CCDC141: variants seen among roughly 807,000 people sequenced by gnomAD.
CCDC141 encodes coiled-coil domain-containing protein 141.
Under a neutral mutation model 181.0 loss-of-function variants are expected in CCDC141, and 168 were observed. The observed-to-expected ratio is 0.93, with a 90% CI of 0.82 to 1.05. The LOEUF (loss-of-function observed/expected upper bound fraction) is 1.05, where lower values mean the gene tolerates loss of function less well. Among genes scored for constraint, CCDC141 ranks in the 50% least tolerant of loss-of-function variants. The pLI is 0.00. For synonymous variants in CCDC141, 666 were observed against 642.3 expected, an observed-to-expected ratio of 1.04 and a Z score of -0.56; for missense variants, 1,902 against 1,788.5, an observed-to-expected ratio of 1.06 and a Z score of -1.14.
rs181911299 is a variant in CCDC141 at position 178,831,513 on chromosome 2, A to G, written c.*2660T>C. 2 of 152,334 alleles carry G rather than the reference A, an allele frequency of 1.3e-5. No homozygotes were observed. 9.4% of individuals were successfully genotyped at this position (152,334 alleles called of 1,614,324 possible). A position where few individuals can be genotyped will look rare whatever the true frequency, so the allele number is the denominator to read the frequency against. On this transcript the variant is annotated 3_prime_UTR_variant, in exon 24 of 24. Transcript: ENST00000443758. ...TGAAAATGTTTTGATATTACTAACCATTCAGGATTTTCTCTAGAAGTAAAT... is the reference window on the plus strand; with the variant it reads ...TGAAAATGTTTTGATATTACTAACCGTTCAGGATTTTCTCTAGAAGTAAAT...
intron 6 of CCDC141, among the ~76,000 whole-genome samples, chr2:178,940,849 G>A (rs1409785802): frequency 6.6e-6 from 1 of 152,136 alleles, no homozygotes; most frequent in African/African-American, 2.4e-5. Context: ...ACCAGCTCTG[G>A]AAAGGTGTTT....
At chr2:179,031,176 T>A (rs765683688) in intron 2 of CCDC141, among the ~76,000 whole-genome samples, 2 of 148,714 alleles carry the variant, frequency 1.3e-5, no homozygotes, top group Non-Finnish European at 3.0e-5. Context: ...TGGGATAAAT[T>A]AAACATATTA....
intron 2 of CCDC141, among the ~76,000 whole-genome samples, chr2:179,032,052 C>T (rs1018521301): frequency 1.3e-5 from 2 of 152,078 alleles, no homozygotes; most frequent in African/African-American, 4.8e-5. Context: ...GGTGAGACTG[C>T]TCTCTCACCT....
chr2:178,889,742 T>A (rs925898179), intron 8 of CCDC141, among the ~76,000 whole-genome samples: 2 of 152,176 alleles, frequency 1.3e-5, no homozygotes, highest in Non-Finnish European at 2.9e-5. Context: ...AAGTCCCAGG[T>A]AAGTTTAATT....
intron 6 of CCDC141, among the ~76,000 whole-genome samples, chr2:178,925,895 T>C (rs753479347): frequency 3.9e-5 from 6 of 152,146 alleles, no homozygotes; most frequent in Non-Finnish European, 7.3e-5. Context: ...TCAACACATC[T>C]AACTCAGCTA....
chr2:178,986,806 G>T (rs377004698), intron 2 of CCDC141, among the ~76,000 whole-genome samples: 4 of 151,556 alleles, frequency 2.6e-5, no homozygotes, highest in African/African-American at 4.9e-5. Context: ...CGCTGCTCAA[G>T]GAAATAAAAG....
intron 2 of CCDC141, among the ~76,000 whole-genome samples, chr2:179,033,008 T>TAA (rs1262130301): frequency 6.8e-6 from 1 of 147,352 alleles, no homozygotes; most frequent in African/African-American, 2.5e-5. Context: ...TATATATATA[T>TAA]AATATATAAT....
At chr2:178,993,007 A>G (rs532813137) in intron 2 of CCDC141, among the ~76,000 whole-genome samples, 29 of 152,306 alleles carry the variant, frequency 1.9e-4, no homozygotes, top group African/African-American at 7.0e-4. Flanking sequence ...CTGTGAGTCA[A>G]TTAAACCTCT....
intron 12 of CCDC141, chr2:178,873,408 A>G (rs1686207613): frequency 6.6e-6 from 1 of 152,142 alleles, no homozygotes; most frequent in African/African-American, 2.4e-5. Context: ...ATAAATTATG[A>G]AAGATATTAG....
At position 179,049,902 on chromosome 2, in the gene CCDC141, T is replaced by G; in HGVS notation, c.40A>C (p.Thr14Pro). Reference sequence around the variant, plus strand: ...TGCACAGCAACTGAACTGACTGTCGTCGTAGAAAGCGCAACACTAGGACTT... The same window carrying G: ...TGCACAGCAACTGAACTGACTGTCGGCGTAGAAAGCGCAACACTAGGACTT... The part of the protein sequence containing the change: ...QGSPSVALST[T>P]TVSSVAVQAG... Residue 14 changes from threonine to proline, a missense_variant, in exon 1 of 24, where the codon ACG (threonine) becomes CCG (proline). By Grantham distance (38) the Thr-to-Pro change is conservative (BLOSUM62 -1). Coordinates refer to ENST00000443758, the MANE Select transcript of CCDC141 (RefSeq NM_173648.4). 1 of 1,550,782 alleles carries G rather than the reference T, an allele frequency of 6.4e-7. No individual in the cohort carries two copies. Among genetic ancestry groups the G allele is most frequent in the Non-Finnish European group, 8.7e-7 (1 of 1,146,980 alleles).
At chr2:178,864,957 GC>G in intron 17 of CCDC141, among the ~76,000 whole-genome samples, 1 of 152,162 alleles carries the variant, frequency 6.6e-6, no homozygotes, top group African/African-American at 2.4e-5. Context: ...CTTGTGTTCT[GC>G]TATCACTTCC....
chr2:178,999,643 T>G (rs1055237697), intron 2 of CCDC141, among the ~76,000 whole-genome samples: 32 of 152,188 alleles, frequency 2.1e-4, no homozygotes, highest in African/African-American at 7.7e-4. Flanking sequence ...CCCTGTTGGC[T>G]GACTCCCTAA....
chr2:179,028,326 A>G (rs889699885), intron 2 of CCDC141, among the ~76,000 whole-genome samples: 1 of 152,242 alleles, frequency 6.6e-6, no homozygotes, highest in Admixed American at 6.5e-5. Context: ...TTATAAGTGC[A>G]GTCTGCTCAT....
chr2:178,884,406 CAT>C (rs1357347227), intron 11 of CCDC141, among the ~76,000 whole-genome samples: 11 of 152,304 alleles, frequency 7.2e-5, no homozygotes, highest in East Asian at 5.8e-4. Context: ...CCTATTTTCA[CAT>C]GTTTACTTTA....
intron 20 of CCDC141, among the ~76,000 whole-genome samples, chr2:178,852,223 G>C (rs748906675): frequency 6.6e-6 from 1 of 152,146 alleles, no homozygotes; most frequent in Non-Finnish European, 1.5e-5. Flanking sequence ...CTTGCAGGAC[G>C]GGAAGGGAAT....
chr2:178,891,777 C>A (rs2154371278), intron 8 of CCDC141, among the ~76,000 whole-genome samples: 1 of 143,066 alleles, frequency 7.0e-6, no homozygotes, highest in Middle Eastern at 3.5e-3. Flanking sequence ...TATAGGATCT[C>A]TCTCTCTCTC....
intron 2 of CCDC141, among the ~76,000 whole-genome samples, chr2:178,986,872 C>T (rs1417029083): frequency 2.0e-5 from 3 of 151,552 alleles, no homozygotes; most frequent in Admixed American, 1.3e-4. Flanking sequence ...GAATCAATAT[C>T]GTGAAAATGG....
At chr2:178,860,404 A>C (rs1034263836) in intron 17 of CCDC141, among the ~76,000 whole-genome samples, 8 of 151,552 alleles carry the variant, frequency 5.3e-5, no homozygotes, top group African/African-American at 1.9e-4. Context: ...ATGGTGGTGC[A>C]TGCCTGTAAT....
intron 6 of CCDC141, among the ~76,000 whole-genome samples, chr2:178,922,037 G>A (rs1284050076): frequency 2.0e-5 from 3 of 152,140 alleles, no homozygotes; most frequent in Admixed American, 1.3e-4. Context: ...AGCTGGGGAG[G>A]GCCTAGAAAA....
Sources: gnomAD v4.1 joint callset for allele counts (sites outside exome capture counted in the v4.1 genomes callset) on GRCh38, gnomAD v4.1.1 for gene constraint, MANE v1.5 for transcripts, NCBI Gene and HGNC (gene_info 2026-07-23, HGNC 2026-07-21) for gene names.